RAP1GAP: variants seen among roughly 807,000 people sequenced by gnomAD.
The protein encoded by RAP1GAP is RAP1 GTPase activating protein.
RAP1GAP carries 35 observed loss-of-function variants against 87.2 expected under a neutral mutation model. The observed-to-expected ratio is 0.40, with a 90% CI of 0.31 to 0.53. The LOEUF (loss-of-function observed/expected upper bound fraction) is 0.53. Ranked by LOEUF, RAP1GAP falls within the 20% of genes least tolerant of loss-of-function variation. The probability of loss-of-function intolerance (pLI) is 0.48; values close to 1 mark genes in which losing one functional copy is unlikely to be tolerated. For missense variants in RAP1GAP, 734 were observed against 898.9 expected, an observed-to-expected ratio of 0.82 and a Z score of 2.35; for synonymous variants, 375 against 363.9, an observed-to-expected ratio of 1.03 and a Z score of -0.35.
At chr1:21,618,958 T>G (rs981276809) in intron 5 of RAP1GAP, 67 bp downstream of exon 5, 10 of 1,465,256 alleles carry the variant, frequency 6.8e-6, no homozygotes, top group South Asian at 3.6e-5. Flanking sequence ...TGATGGGCAG[T>G]GGTGGCAGCA....
chr1:21,598,211 T>C, intron 22 of RAP1GAP, 147 bp from the exon 23 acceptor site: 1 of 763,562 alleles, frequency 1.3e-6, no homozygotes, highest in South Asian at 1.8e-5. Flanking sequence ...TCCGAGACCC[T>C]TCCGGAAGAA....
At chr1:21,626,943 A>G (rs829412) in intron 2 of RAP1GAP, 388,118 of 456,582 alleles carry the variant, frequency 0.85, 165,737 homozygotes, top group East Asian at 0.97. Flanking sequence ...CCCACTTTAC[A>G]GACAGGACCC....
At chr1:21,652,086 C>T (rs920372277) in intron 1 of RAP1GAP, among the ~76,000 whole-genome samples, 1 of 151,192 alleles carries the variant, frequency 6.6e-6, no homozygotes, top group Non-Finnish European at 1.5e-5. Context: ...GGCCCGGGGC[C>T]CGGGGCAGCC....
intron 1 of RAP1GAP, among the ~76,000 whole-genome samples, chr1:21,655,393 C>T (rs369591979): frequency 1.1e-3 from 162 of 152,326 alleles, no homozygotes; most frequent in African/African-American, 3.7e-3. Context: ...CTGACACACA[C>T]ACACAGAGGC....
chr1:21,597,379 C>A, intron 24 of RAP1GAP, 115 bp from the exon 25 acceptor site: 1 of 304,008 alleles, frequency 3.3e-6, no homozygotes, highest in Non-Finnish European at 6.1e-6. Context: ...CTGGGAGGGG[C>A]CCACCCTTGG....
intron 2 of RAP1GAP, among the ~76,000 whole-genome samples, chr1:21,638,097 G>A (rs2095079822): frequency 6.6e-6 from 1 of 150,414 alleles, no homozygotes; most frequent in Admixed American, 6.6e-5. Flanking sequence ...GCTTCAGTGG[G>A]CCAACATTGC....
chr1:21,651,680 C>T, intron 1 of RAP1GAP: 1 of 1,260,368 alleles, frequency 7.9e-7, no homozygotes, highest in Non-Finnish European at 1.1e-6. Context: ...AGCCCAGGCC[C>T]ACCCGCCCAA....
chr1:21,630,631 C>T (rs556562001), intron 2 of RAP1GAP, among the ~76,000 whole-genome samples: 3 of 152,262 alleles, frequency 2.0e-5, no homozygotes, highest in South Asian at 2.1e-4. Flanking sequence ...TGGCTCACTG[C>T]AGCCTTGAAC....
intron 1 of RAP1GAP, among the ~76,000 whole-genome samples, chr1:21,666,405 C>T (rs2097349042): frequency 6.6e-6 from 1 of 152,224 alleles, no homozygotes; most frequent in Non-Finnish European, 1.5e-5. Flanking sequence ...TGCACTGGGT[C>T]CTGTCCTGTC....
chr1:21,610,010 G>T, intron 14 of RAP1GAP, 110 bp downstream of exon 14: 1 of 1,329,286 alleles, frequency 7.5e-7, no homozygotes. Flanking sequence ...GCCTTCCATG[G>T]TCCCCCCATT....
intron 2 of RAP1GAP, among the ~76,000 whole-genome samples, chr1:21,628,573 A>T (rs1031371140): frequency 2.6e-5 from 4 of 152,102 alleles, no homozygotes; most frequent in African/African-American, 9.7e-5. Flanking sequence ...TGCAAAAATT[A>T]ACTGGGCATG....
At position 21,628,420 on chromosome 1, in the gene RAP1GAP, A is replaced by C; in HGVS notation, c.-112-2023T>G. Among the ~76,000 whole-genome samples, 2 of 126,290 alleles carry C rather than the reference A, an allele frequency of 1.6e-5. 1 individual carries two copies. The highest frequency in any genetic ancestry group is 5.8e-4 in the South Asian group (2 of 3,454). 82.9% of individuals were successfully genotyped at this position (126,290 alleles called of 152,430 possible). On this transcript the variant is annotated intron_variant, in intron 2 of 24. Transcript: ENST00000374765. Reference sequence around the variant, plus strand: ...TCTACTAAAAAAAAAAAAAAAAAAAAAAAAAAAAAAAAATACAGGCTGGGC... The same window carrying C: ...TCTACTAAAAAAAAAAAAAAAAAAACAAAAAAAAAAAAATACAGGCTGGGC...
At chr1:21,610,318 G>A (rs747778441) in intron 13 of RAP1GAP, 43 bp from the exon 14 acceptor site, 2 of 1,607,968 alleles carry the variant, frequency 1.2e-6, no homozygotes, top group East Asian at 2.2e-5. Context: ...GCCAGAGGGG[G>A]CCCATGGGGG....
In RAP1GAP at chr1:21,617,464, G is replaced by A; in HGVS notation, c.133C>T (p.Leu45Phe). 2 of 1,604,898 alleles carry A rather than the reference G, an allele frequency of 1.2e-6. No homozygotes were observed. The highest frequency in any genetic ancestry group is 2.2e-5 in the East Asian group (1 of 44,564). ...CCCCCAAACTGGGGCAGCAGGATGA[G>A]GGGGAAGGGTCCTTCTCGCCCCAAG... ...EVLGREGPFP[L>F]ILLPQFGGYW... is the part of the protein sequence containing the mutation. Residue 45 changes from leucine (L) to phenylalanine (F), a missense_variant, in exon 7 of 25, where the codon CTC becomes TTC. Physicochemically the swap from Leu to Phe is conservative, Grantham distance 22. Around this residue, in one of 2 missense-constraint regions of RAP1GAP, gnomAD observed 485 missense variants for 646.2 expected, o/e 0.75. Transcript: ENST00000374765.
chr1:21,601,755 G>T lies in RAP1GAP; in HGVS notation c.1581C>A (p.His527Gln), dbSNP rs140020129. The T allele has an allele frequency of 6.2e-7, 1 of 1,611,198 alleles. No homozygotes were observed. Among genetic ancestry groups the T allele is most frequent in the Non-Finnish European group, 8.5e-7 (1 of 1,178,406 alleles). Residue 527 changes from histidine to glutamine, a missense_variant, in exon 20 of 25, where the codon CAC becomes CAA. Around this residue, in one of 2 missense-constraint regions of RAP1GAP, gnomAD observed 249 missense variants for 252.7 expected, o/e 0.99. Transcript: ENST00000374765. ...PAGQKTPDSG[H>Q]VSQEPKSENS... Reference sequence around the variant, plus strand: ...TCTCCGACTTGGGCTCCTGTGAGACGTGCCCGCTGTCTGGGGTCTTCTGAC... The same window carrying T: ...TCTCCGACTTGGGCTCCTGTGAGACTTGCCCGCTGTCTGGGGTCTTCTGAC...
Position 21,603,937 on chromosome 1 carries a change from CAGAG to C in RAP1GAP, c.1429-1028_1429-1025del, listed in dbSNP as rs375356232. On this transcript the variant is annotated intron_variant, in intron 18 of 24. Transcript: ENST00000374765. This position sits in a 1 kb window ranked among gnomAD's most constrained non-coding sequence, Gnocchi z 6.0. ...ACTGGCAAGCAGCAGAGGGCGGGGG[CAGAG>C]AGAGAGAGACAGAGAGAGAGTCAGA... is the stretch of plus-strand genomic sequence containing the variant. 4.7e-6 allele frequency: 7 copies of C among 1,473,884 alleles called. No homozygotes were observed. The highest frequency in any genetic ancestry group is 2.5e-5 in the East Asian group (1 of 40,018). The allele number at this position is 1,473,884 out of a possible 1,614,324, so 91.3% of individuals were successfully genotyped here.
chr1:21,615,284 A>G lies in RAP1GAP; in HGVS notation c.292-1195T>C, dbSNP rs1039521521. Among the ~76,000 whole-genome samples, 4 of 152,132 alleles carry G rather than the reference A, an allele frequency of 2.6e-5. No homozygotes were observed. Among genetic ancestry groups the G allele is most frequent in the African/African-American group, 9.7e-5 (4 of 41,430 alleles). On this transcript the variant is annotated intron_variant, in intron 7 of 24. Coordinates refer to ENST00000374765, the MANE Select transcript of RAP1GAP (RefSeq NM_002885.4). This position sits in a 1 kb window ranked among gnomAD's most constrained non-coding sequence, Gnocchi z 4.5. ...CCAGGATAGGGCCCAGTGCCTGAGC[A>G]CCTGGCTGCTTCCCCCATTACCCCA... is the stretch of plus-strand genomic sequence containing the variant.
At chr1:21,614,738 T>C (rs1437452268) in intron 7 of RAP1GAP, among the ~76,000 whole-genome samples, 2 of 152,084 alleles carry the variant, frequency 1.3e-5, no homozygotes, top group African/African-American at 4.8e-5. Context: ...AGCCCAGGGC[T>C]GGCACCTCCG....
chr1:21,614,426 G>A (rs1558689731), intron 7 of RAP1GAP, among the ~76,000 whole-genome samples: 1 of 152,148 alleles, frequency 6.6e-6, no homozygotes, highest in Non-Finnish European at 1.5e-5. Flanking sequence ...TGGATCTCTG[G>A]GTGCTCATCG....
Sources: allele counts gnomAD v4.1 joint callset (sites outside exome capture counted in the v4.1 genomes callset), GRCh38; gene constraint gnomAD v4.1.1; regional missense constraint gnomAD v4.1.1; non-coding constraint Gnocchi (gnomAD v3.1); transcripts MANE v1.5; gene names NCBI Gene and HGNC (gene_info 2026-07-23, HGNC 2026-07-21).